The following URI1 variants were observed in gnomAD, a reference collection of about 807,000 sequenced individuals.
The protein encoded by URI1 is URI1 prefoldin like chaperone.
URI1 carries 39 observed loss-of-function variants against 60.2 expected under a neutral mutation model. The observed-to-expected ratio is 0.65, with a 90% CI of 0.50 to 0.85. The LOEUF is 0.85. Among genes scored for constraint, URI1 ranks in the 40% least tolerant of loss-of-function variants. The probability of loss-of-function intolerance (pLI) is 0.00; values close to 1 mark genes in which losing one functional copy is unlikely to be tolerated. For missense variants in URI1, 691 were observed against 665.9 expected (o/e 1.04, Z -0.42); for synonymous variants, 251 against 236.8 (o/e 1.06, Z -0.55).
intron 2 of URI1, among the ~76,000 whole-genome samples, chr19:29,973,141 G>A (rs964702485): frequency 1.3e-5 from 2 of 152,056 alleles, no homozygotes; most frequent in Admixed American, 6.5e-5. Flanking sequence ...TGGGAGAGTC[G>A]TGGAATTCTT....
At chr19:29,933,054 A>T (rs1389029456) in intron 1 of URI1, among the ~76,000 whole-genome samples, 1 of 152,130 alleles carries the variant, frequency 6.6e-6, no homozygotes, top group African/African-American at 2.4e-5. Flanking sequence ...CAAATTCGTT[A>T]GTATTTTGTT....
intron 7 of URI1, among the ~76,000 whole-genome samples, chr19:30,007,949 G>A (rs1296890394): frequency 2.6e-5 from 4 of 151,804 alleles, no homozygotes; most frequent in Middle Eastern, 3.4e-3. Flanking sequence ...TAATAATCAT[G>A]GATTTAATAT....
chr19:29,982,447 C>T (rs547875151), intron 2 of URI1, among the ~76,000 whole-genome samples: 25 of 152,002 alleles, frequency 1.6e-4, no homozygotes, highest in Non-Finnish European at 3.7e-4. Context: ...CAAAATAAGA[C>T]TTATTGAATG....
chr19:29,960,412 CTTTT>C (rs1218524011), intron 1 of URI1, among the ~76,000 whole-genome samples: 1 of 149,332 alleles, frequency 6.7e-6, no homozygotes, highest in African/African-American at 2.4e-5. Context: ...ATTTTTCTCT[CTTTT>C]TTTAACCTTT....
chr19:29,947,332 C>G (rs1036359261), intron 1 of URI1, among the ~76,000 whole-genome samples: 16 of 152,160 alleles, frequency 1.1e-4, no homozygotes, highest in African/African-American at 2.4e-5. Flanking sequence ...TTTACAGATC[C>G]GATCTTAGAA....
intron 4 of URI1, among the ~76,000 whole-genome samples, chr19:30,000,273 A>C (rs2055861824): frequency 6.6e-6 from 1 of 151,682 alleles, no homozygotes; most frequent in Non-Finnish European, 1.5e-5. Context: ...GGAGTCTTTC[A>C]TTGTCTTGCT....
At chr19:29,961,955 G>T (rs1045003171) in intron 1 of URI1, among the ~76,000 whole-genome samples, 3 of 152,142 alleles carry the variant, frequency 2.0e-5, no homozygotes, top group Admixed American at 1.3e-4. Context: ...AAAGTGCTGG[G>T]ATTACAGGCG....
At chr19:29,929,141 C>A (rs1413895749) in intron 1 of URI1, among the ~76,000 whole-genome samples, 1 of 152,074 alleles carries the variant, frequency 6.6e-6, no homozygotes, top group Admixed American at 6.6e-5. Context: ...TTGGGTAATG[C>A]CTGGGATTGT....
At chr19:29,927,840 A>C (rs1163195959) in intron 1 of URI1, among the ~76,000 whole-genome samples, 1 of 151,850 alleles carries the variant, frequency 6.6e-6, no homozygotes, top group Non-Finnish European at 1.5e-5. Context: ...GCCTCCCAAA[A>C]TGCTGGGATT....
At chr19:30,006,342 A>G (rs551423572) in intron 6 of URI1, among the ~76,000 whole-genome samples, 1 of 152,264 alleles carries the variant, frequency 6.6e-6, no homozygotes, top group South Asian at 2.1e-4. Context: ...AGAAGACTGT[A>G]CAGTGTCTTA....
At chr19:29,966,909 A>G (rs2055397949) in intron 1 of URI1, among the ~76,000 whole-genome samples, 2 of 152,210 alleles carry the variant, frequency 1.3e-5, no homozygotes, top group African/African-American at 4.8e-5. Context: ...TGGTGAGACA[A>G]GTTTTAGAAG....
At chr19:29,974,449 A>G (rs1437099790) in intron 2 of URI1, among the ~76,000 whole-genome samples, 1 of 152,210 alleles carries the variant, frequency 6.6e-6, no homozygotes, top group Non-Finnish European at 1.5e-5. Context: ...TGGTATGAAG[A>G]ATTTCAAATG....
intron 2 of URI1, among the ~76,000 whole-genome samples, chr19:29,973,618 T>C (rs2145333492): frequency 6.6e-6 from 1 of 152,064 alleles, no homozygotes; most frequent in South Asian, 2.1e-4. Context: ...TTGGTTTTTG[T>C]TTAAAAAAAA....
intron 1 of URI1, among the ~76,000 whole-genome samples, chr19:29,931,730 GTTAA>G (rs1361643550): frequency 6.6e-6 from 1 of 151,986 alleles, no homozygotes; most frequent in Non-Finnish European, 1.5e-5. Context: ...CTCCTCCTTG[GTTAA>G]TTTTTTTACT....
At chr19:29,951,628 C>T (rs1265288463) in intron 1 of URI1, among the ~76,000 whole-genome samples, 1 of 151,830 alleles carries the variant, frequency 6.6e-6, no homozygotes, top group Non-Finnish European at 1.5e-5. Flanking sequence ...CTCACTGCAA[C>T]CTCCGCCTCC....
intron 1 of URI1, among the ~76,000 whole-genome samples, chr19:29,965,426 A>C (rs1599681371): frequency 1.3e-5 from 2 of 152,356 alleles, no homozygotes; most frequent in South Asian, 4.1e-4. Context: ...AATGTAGGTC[A>C]CAATTTCTTA....
At position 30,009,090 on chromosome 19, in the gene URI1, A is replaced by G; in HGVS notation, c.772A>G (p.Met258Val). 1.9e-6 allele frequency: 3 copies of G among 1,614,040 alleles called. No individual in the cohort carries two copies. The highest frequency in any genetic ancestry group is 1.7e-6 in the Non-Finnish European group (2 of 1,179,948). Residue 258 changes from methionine to valine, a missense_variant, in exon 8 of 11, where the codon ATG (methionine) becomes GTG (valine). Met to Val is a conservative substitution (Grantham distance 21). Transcript: ENST00000392271. Reference sequence around the variant, plus strand: ...AGATCGTAACACAAATGTGAATGCGATGCATCAAGTAACAGACTCTCATAC... The same window carrying G: ...AGATCGTAACACAAATGTGAATGCGGTGCATCAAGTAACAGACTCTCATAC... ...KEDRNTNVNAMHQVTDSHTPC... is the reference protein window; with the variant it reads ...KEDRNTNVNAVHQVTDSHTPC...
intron 4 of URI1, among the ~76,000 whole-genome samples, chr19:29,991,521 T>C (rs942366960): frequency 2.0e-5 from 3 of 152,236 alleles, no homozygotes; most frequent in Non-Finnish European, 2.9e-5. Context: ...GGATTTTCTA[T>C]GTAGACAATC....
At position 29,942,675 on chromosome 19, in the gene URI1, G is replaced by C; in HGVS notation, c.117+11G>C. On this transcript the variant is annotated intron_variant, in intron 1 of 10. Transcript: ENST00000392271. ...GAGGAGCAGGAAAAGGTAACTAGCA[G>C]CCCCGCGCCGCTTCCGCCTCCGCCC... The C allele has an allele frequency of 7.2e-7, 1 of 1,380,568 alleles. No homozygotes were observed. Among genetic ancestry groups the C allele is most frequent in the Non-Finnish European group, 9.4e-7 (1 of 1,068,872 alleles). 85.5% of individuals were successfully genotyped at this position (1,380,568 alleles called of 1,614,324 possible).
Sources: allele counts gnomAD v4.1 joint callset (sites outside exome capture counted in the v4.1 genomes callset), GRCh38; gene constraint gnomAD v4.1.1; transcripts MANE v1.5; gene names NCBI Gene and HGNC (gene_info 2026-07-23, HGNC 2026-07-21).